Variants in CLIC5 observed in about 807,000 individuals in gnomAD.
CLIC5 encodes CLIC family member 5, also known as chloride intracellular channel protein 5.
CLIC5 carries 20 observed loss-of-function variants against 24.7 expected under a neutral mutation model. That is an observed-to-expected ratio of 0.81 (90% CI 0.57 to 1.18). CLIC5 has a LOEUF of 1.18. Ranked by LOEUF, CLIC5 falls within the 50% of genes most tolerant of loss-of-function variation. The pLI is 0.00. For synonymous variants in CLIC5, 159 were observed against 135.6 expected (o/e 1.17, Z -1.20); for missense variants, 341 against 326.1 (o/e 1.05, Z -0.35).
chr6:46,126,883 C>G, the CLIC5 span, among the ~76,000 whole-genome samples: 1 of 152,066 alleles, frequency 6.6e-6, no homozygotes, highest in African/African-American at 2.4e-5. Flanking sequence ...AGTTATACAT[C>G]ACAATTAGGA....
intron 1 of CLIC5, among the ~76,000 whole-genome samples, chr6:46,007,047 C>T (rs1020329608): frequency 1.3e-5 from 2 of 152,156 alleles, no homozygotes; most frequent in African/African-American, 2.4e-5. Context: ...GAACCTCCTC[C>T]GTCACCTGTA....
chr6:45,956,865 G>C (rs1043488592), intron 1 of CLIC5, among the ~76,000 whole-genome samples: 3 of 152,202 alleles, frequency 2.0e-5, no homozygotes, highest in Admixed American at 6.5e-5. Flanking sequence ...AGGTAGGAGG[G>C]TACAGTGTGG....
intron 1 of CLIC5, among the ~76,000 whole-genome samples, chr6:46,036,765 G>C: frequency 6.6e-6 from 1 of 152,266 alleles, no homozygotes; most frequent in Non-Finnish European, 1.5e-5. Flanking sequence ...TGTTTTGCTG[G>C]TAGATTCCAA....
chr6:45,909,480 A>C (rs1414018504), intron 5 of CLIC5, among the ~76,000 whole-genome samples: 2 of 152,152 alleles, frequency 1.3e-5, no homozygotes, highest in Non-Finnish European at 2.9e-5. Context: ...AATGGTAATA[A>C]ATTCCCTTAG....
chr6:46,062,418 C>T (rs1398027874), intron 1 of CLIC5, among the ~76,000 whole-genome samples: 1 of 152,208 alleles, frequency 6.6e-6, no homozygotes, highest in African/African-American at 2.4e-5. Context: ...AAACAATGTA[C>T]TGTCTTATTT....
Position 45,914,225 on chromosome 6 carries a change from T to C in CLIC5, c.588+3A>G. The C allele has an allele frequency of 6.3e-7, 1 of 1,583,882 alleles. No individual in the cohort carries two copies. The highest frequency in any genetic ancestry group is 1.1e-5 in the South Asian group (1 of 87,348). ...CAGGCCCCTGTGGGTAGAGCTCTCT[T>C]ACCTTGACCACATGGAGCTTGGGCA... On this transcript the variant is annotated splice_donor_region_variant and intron_variant, in intron 5 of 5. Transcript: ENST00000339561.
intron 6 of CLIC5, chr6:45,881,309 T>C (rs1762260904): frequency 2.5e-6 from 1 of 395,124 alleles, no homozygotes; most frequent in Admixed American, 4.4e-5. Context: ...TTATGTATGT[T>C]AAAGCCCAAA....
intron 1 of CLIC5, among the ~76,000 whole-genome samples, chr6:46,031,850 AAT>A (rs1232195466): frequency 2.0e-5 from 3 of 149,008 alleles, no homozygotes; most frequent in Admixed American, 1.4e-4. Context: ...ATCTTTGTAA[AAT>A]ATATATATAC....
At chr6:46,068,693 A>G (rs1762508455) in intron 1 of CLIC5, among the ~76,000 whole-genome samples, 1 of 152,148 alleles carries the variant, frequency 6.6e-6, no homozygotes, top group African/African-American at 2.4e-5. Flanking sequence ...CATTAGGGTG[A>G]GCCCTAATCC....
Position 45,914,309 on chromosome 6 carries a change from C to G in CLIC5, c.507G>C (p.Lys169Asn). The change falls in exon 5 of 6, where the codon AAG (lysine) becomes AAC (asparagine). Residue 169 changes from lysine (K) to asparagine (N), a missense_variant. Transcript: ENST00000339561. ...CATCCAGGAACTTGCGCCGGGACCC[C>G]TTGTCTTCCCCACAAGTGTTGGCGT... Reference protein sequence around the residue: ...EIDANTCGEDKGSRRKFLDGD... With the variant: ...EIDANTCGEDNGSRRKFLDGD... 6.2e-7 allele frequency: 1 copy of G among 1,607,084 alleles called. No homozygotes were observed. Among genetic ancestry groups the G allele is most frequent in the South Asian group, 1.1e-5 (1 of 89,942 alleles).
intron 4 of CLIC5, among the ~76,000 whole-genome samples, chr6:45,921,082 AC>A (rs1763240213): frequency 6.6e-6 from 1 of 152,230 alleles, no homozygotes; most frequent in Non-Finnish European, 1.5e-5. Context: ...AGTATGAATG[AC>A]CACACAAAGG....
the CLIC5 span, among the ~76,000 whole-genome samples, chr6:46,092,171 T>C: frequency 6.6e-6 from 1 of 152,192 alleles, no homozygotes; most frequent in South Asian, 2.1e-4. Context: ...TTTGGGTAAA[T>C]TGATTTGTCC....
At chr6:46,097,147 G>A in the CLIC5 span, 1 of 152,156 alleles carries the variant, frequency 6.6e-6, no homozygotes, top group African/African-American at 2.4e-5. Context: ...GAAATGTTTG[G>A]AGGTGAAGAG....
Position 45,914,416 on chromosome 6 carries a change from T to C in CLIC5, c.407-7A>G. The C allele has an allele frequency of 1.3e-6, 2 of 1,560,076 alleles. No individual in the cohort carries two copies. Among genetic ancestry groups the C allele is most frequent in the Non-Finnish European group, 8.7e-7 (1 of 1,143,426 alleles). On this transcript the variant is annotated splice_region_variant and splice_polypyrimidine_tract_variant and intron_variant, in intron 4 of 5. Coordinates refer to ENST00000339561, the MANE Select transcript of CLIC5 (RefSeq NM_016929.5). ...GTTAGGCCTCTTTCAAGAGCTGGCA[T>C]GAAAGAGTAAAAGGGCCTTTATTCA...
rs1447108132 is a variant in CLIC5 at position 45,913,733 on chromosome 6, C to T, written c.588+495G>A. 5.0e-6 allele frequency: 6 copies of T among 1,201,876 alleles called. No homozygotes were observed. The South Asian group carries it at 2.1e-4, about 42-fold the overall frequency. 74.5% of individuals were successfully genotyped at this position (1,201,876 alleles called of 1,614,324 possible). ...AGAAAGTGACATCACTTCTTGCAACCTCCACCTCTTCATTTGATAGATGAG... is the reference window on the plus strand; with the variant it reads ...AGAAAGTGACATCACTTCTTGCAACTTCCACCTCTTCATTTGATAGATGAG... On this transcript the variant is annotated intron_variant, in intron 5 of 5. Transcript: ENST00000339561.
In CLIC5 at chr6:45,903,063, C is replaced by A. The variant is rs375247542; in HGVS notation, c.*25G>T. 14 of 1,613,212 alleles carry A rather than the reference C, an allele frequency of 8.7e-6. No homozygotes were observed. The highest frequency in any genetic ancestry group is 1.3e-5 in the African/African-American group (1 of 75,018). ...GGGGAGTGGTTGAGTCCTTCTGCAG[C>A]GGGGATGGGGCAAAATGGCTGTGCT... On this transcript the variant is annotated 3_prime_UTR_variant, in exon 6 of 6. Transcript: ENST00000339561.
chr6:45,889,421 G>A (rs1160255412), intron 6 of CLIC5, among the ~76,000 whole-genome samples: 1 of 152,106 alleles, frequency 6.6e-6, no homozygotes, highest in Admixed American at 6.6e-5. Context: ...TATAAATTTT[G>A]GGGGGAACAC....
chr6:45,881,053 TACAG>T (rs1762258970), exon 7 of CLIC5: 1 of 398,420 alleles, frequency 2.5e-6, no homozygotes, highest in Non-Finnish European at 4.4e-6. Flanking sequence ...TCAAAGCCAG[TACAG>T]ACAATGAGTT....
chr6:46,068,524 AG>A (rs1762504525), intron 1 of CLIC5, among the ~76,000 whole-genome samples: 2 of 152,188 alleles, frequency 1.3e-5, no homozygotes, highest in African/African-American at 4.8e-5. Flanking sequence ...GTTCACAGCT[AG>A]GGAGATATAA....
Sources: allele counts gnomAD v4.1 joint callset (sites outside exome capture counted in the v4.1 genomes callset), GRCh38; gene constraint gnomAD v4.1.1; transcripts MANE v1.5; gene names NCBI Gene and HGNC (gene_info 2026-07-23, HGNC 2026-07-21).